The following BNC2 variants were observed in gnomAD, a reference collection of about 807,000 sequenced individuals.
The protein encoded by BNC2 is zinc finger protein basonuclin-2.
A neutral mutation model predicts 76.3 loss-of-function variants in BNC2; 20 were observed. The ratio of observed to expected loss-of-function variants is 0.26; its 90% CI spans 0.18 to 0.38. The LOEUF (loss-of-function observed/expected upper bound fraction) is 0.38. BNC2 is among the 10% of genes least tolerant of loss of function. The probability of loss-of-function intolerance (pLI) is 1.00; values close to 1 mark genes in which losing one functional copy is unlikely to be tolerated. For missense variants in BNC2, 1,382 were observed against 1,399.8 expected, an observed-to-expected ratio of 0.99 and a Z score of 0.20; for synonymous variants, 582 against 514.8, an observed-to-expected ratio of 1.13 and a Z score of -1.77.
intron 1 of BNC2, among the ~76,000 whole-genome samples, chr9:16,811,318 A>G (rs1437175483): frequency 1.3e-5 from 2 of 151,296 alleles, no homozygotes; most frequent in Non-Finnish European, 2.9e-5. Context: ...TGGGAGGCCA[A>G]CGCGGGTGGA....
chr9:16,451,809 C>G (rs7046416), intron 5 of BNC2, among the ~76,000 whole-genome samples: 78,748 of 152,030 alleles, frequency 0.52, 23,013 homozygotes, highest in African/African-American at 0.79. Flanking sequence ...TCAAGTAGGT[C>G]TCTTTATTTC....
intron 4 of BNC2, among the ~76,000 whole-genome samples, chr9:16,567,848 TAAGATAAGAA>T (rs1335391511): frequency 6.6e-6 from 1 of 152,184 alleles, no homozygotes; most frequent in East Asian, 1.9e-4. Flanking sequence ...AGCCATTCAA[TAAGATAAGAA>T]GTATGTGAAG....
intron 5 of BNC2, among the ~76,000 whole-genome samples, chr9:16,539,718 G>GA (rs1818251762): frequency 2.4e-5 from 3 of 125,964 alleles, no homozygotes; most frequent in African/African-American, 1.1e-4. Flanking sequence ...AAGGAAGGAA[G>GA]GGGAAGGAAA....
At chr9:16,487,688 C>G (rs187199377) in intron 5 of BNC2, among the ~76,000 whole-genome samples, 2 of 152,332 alleles carry the variant, frequency 1.3e-5, no homozygotes, top group African/African-American at 4.8e-5. Context: ...TTTCTTGTCA[C>G]TCTTAAGATT....
chr9:16,686,565 C>T (rs1004806601), intron 3 of BNC2, among the ~76,000 whole-genome samples: 4 of 152,176 alleles, frequency 2.6e-5, no homozygotes. Context: ...TCACCTTTGT[C>T]TTCTTTCCCT....
chr9:16,689,521 A>G (rs1203128358), intron 3 of BNC2, among the ~76,000 whole-genome samples: 1 of 152,186 alleles, frequency 6.6e-6, no homozygotes, highest in African/African-American at 2.4e-5. Context: ...TGTGAGCTCC[A>G]GTCTCCTCAG....
intron 3 of BNC2, among the ~76,000 whole-genome samples, chr9:16,690,943 G>A (rs927576213): frequency 1.3e-5 from 2 of 151,794 alleles, no homozygotes; most frequent in African/African-American, 4.8e-5. Flanking sequence ...TCCCTCAGGA[G>A]CTGATCCTCT....
In BNC2 at chr9:16,415,078, G is replaced by A. The variant is rs1820557187; in HGVS notation, c.*3911C>T. On this transcript the variant is annotated 3_prime_UTR_variant, in exon 7 of 7. Transcript: ENST00000380672. ...TTGTGCCAAAAAGGTTTTAAAAAATGTTTGCCATGTTGAAAAGGAAAACAT... is the reference window on the plus strand; with the variant it reads ...TTGTGCCAAAAAGGTTTTAAAAAATATTTGCCATGTTGAAAAGGAAAACAT... 1 of 152,118 alleles carries A rather than the reference G, an allele frequency of 6.6e-6. No homozygotes were observed. The highest frequency in any genetic ancestry group is 1.5e-5 in the Non-Finnish European group (1 of 68,008). 9.4% of individuals were successfully genotyped at this position (152,118 alleles called of 1,614,324 possible). A position where few individuals can be genotyped will look rare whatever the true frequency, so the allele number is the denominator to read the frequency against.
intron 1 of BNC2, among the ~76,000 whole-genome samples, chr9:16,778,649 C>G (rs1238828551): frequency 1.3e-5 from 2 of 152,134 alleles, no homozygotes; most frequent in Non-Finnish European, 2.9e-5. Flanking sequence ...CACATTGGAC[C>G]GCAGAGCCTA....
In BNC2 at chr9:16,670,462, G is replaced by A. The variant is rs556714745; in HGVS notation, c.330+57335C>T. Among the ~76,000 whole-genome samples the A allele has an allele frequency of 5.9e-5, 9 of 152,238 alleles. No individual in the cohort carries two copies. The East Asian group carries it at 7.7e-4, about 13-fold the overall frequency. ...CCCAAAGTGCTGGGATTACAAGCAT[G>A]AGCCACTGTATCCAGCCAATTTAAG... On this transcript the variant is annotated intron_variant, in intron 3 of 6. Coordinates refer to ENST00000380672, the MANE Select transcript of BNC2 (RefSeq NM_017637.6).
intron 1 of BNC2, among the ~76,000 whole-genome samples, chr9:16,856,277 TCA>T (rs5896710): frequency 0.019 from 2,828 of 148,164 alleles, 35 homozygotes; most frequent in Non-Finnish European, 0.027. Flanking sequence ...TCTCTCTCTC[TCA>T]CACACACACA....
chr9:16,804,269 T>G (rs1817852253), intron 1 of BNC2, among the ~76,000 whole-genome samples: 2 of 152,248 alleles, frequency 1.3e-5, no homozygotes, highest in African/African-American at 4.8e-5. Flanking sequence ...CTAACTGTTC[T>G]AAATATTTCA....
At chr9:16,535,650 T>C (rs1818109110) in intron 5 of BNC2, among the ~76,000 whole-genome samples, 1 of 152,076 alleles carries the variant, frequency 6.6e-6, no homozygotes, top group Admixed American at 6.6e-5. Flanking sequence ...TAGATACCAC[T>C]ACCAAATGAA....
At chr9:16,481,983 T>C (rs1822066629) in intron 5 of BNC2, among the ~76,000 whole-genome samples, 1 of 152,142 alleles carries the variant, frequency 6.6e-6, no homozygotes, top group Non-Finnish European at 1.5e-5. Context: ...TAATCTGAGC[T>C]CCAAAGTATG....
At chr9:16,521,664 C>G (rs1344168978) in intron 5 of BNC2, among the ~76,000 whole-genome samples, 1 of 152,076 alleles carries the variant, frequency 6.6e-6, no homozygotes, top group South Asian at 2.1e-4. Context: ...TTACGTTTTC[C>G]TTCCAGAGAT....
At chr9:16,484,600 C>G (rs559869832) in intron 5 of BNC2, among the ~76,000 whole-genome samples, 1 of 152,276 alleles carries the variant, frequency 6.6e-6, no homozygotes, top group Admixed American at 6.5e-5. Flanking sequence ...GCGTTAAAAA[C>G]AGAGCTGGCT....
intron 4 of BNC2, among the ~76,000 whole-genome samples, chr9:16,568,542 A>T (rs1819229406): frequency 6.6e-6 from 1 of 152,092 alleles, no homozygotes; most frequent in East Asian, 1.9e-4. Context: ...CACAGGTTTA[A>T]TGGGATTTTG....
chr9:16,434,643 C>G (rs1408743103), intron 6 of BNC2, among the ~76,000 whole-genome samples: 1 of 152,134 alleles, frequency 6.6e-6, no homozygotes, highest in Admixed American at 6.5e-5. Flanking sequence ...ACCACCTTGA[C>G]ACATTCCATT....
At chr9:16,802,248 C>T (rs1817802587) in intron 1 of BNC2, among the ~76,000 whole-genome samples, 1 of 152,122 alleles carries the variant, frequency 6.6e-6, no homozygotes, top group East Asian at 1.9e-4. Flanking sequence ...TAATTATTGC[C>T]GAGAAACCAT....
Sources: gnomAD v4.1 joint callset for allele counts (sites outside exome capture counted in the v4.1 genomes callset) on GRCh38, gnomAD v4.1.1 for gene constraint, MANE v1.5 for transcripts, NCBI Gene and HGNC (gene_info 2026-07-23, HGNC 2026-07-21) for gene names.